The following FOXN3 variants were observed in gnomAD, a reference collection of about 807,000 sequenced individuals.
FOXN3 encodes forkhead box N3.
In FOXN3, 7 loss-of-function variants were observed where a neutral mutation model predicts 38.4. The ratio of observed to expected loss-of-function variants is 0.18; its 90% CI spans 0.10 to 0.34. FOXN3 has a LOEUF of 0.34. Among genes scored for constraint, FOXN3 ranks in the 10% least tolerant of loss-of-function variants. The pLI is 1.00. For missense variants in FOXN3, 456 were observed against 613.4 expected, an observed-to-expected ratio of 0.74 and a Z score of 2.71; for synonymous variants, 230 against 242.2, an observed-to-expected ratio of 0.95 and a Z score of 0.47.
At chr14:89,317,806 C>T (rs550313467) in intron 3 of FOXN3, among the ~76,000 whole-genome samples, 2 of 151,710 alleles carry the variant, frequency 1.3e-5, no homozygotes, top group Non-Finnish European at 2.9e-5. Flanking sequence ...GGCAGGCGAG[C>T]AGGCATTACT....
At chr14:89,292,902 C>G (rs1886920317) in intron 3 of FOXN3, among the ~76,000 whole-genome samples, 1 of 152,204 alleles carries the variant, frequency 6.6e-6, no homozygotes, top group South Asian at 2.1e-4. Context: ...ACACAAACTT[C>G]CTGTTACTTT....
intron 4 of FOXN3, among the ~76,000 whole-genome samples, chr14:89,234,251 C>T (rs1035298776): frequency 6.6e-6 from 1 of 152,204 alleles, no homozygotes; most frequent in Non-Finnish European, 1.5e-5. Context: ...AACAACAGAA[C>T]TTTAATGACC....
At chr14:89,583,026 G>A (rs1416334435) in intron 1 of FOXN3, among the ~76,000 whole-genome samples, 1 of 152,134 alleles carries the variant, frequency 6.6e-6, no homozygotes, top group African/African-American at 2.4e-5. Context: ...GCCTGTTGAT[G>A]GCATTTCCAG....
upstream of FOXN3, chr14:89,419,180 AG>A (rs1423231794): frequency 2.2e-6 from 1 of 456,086 alleles, no homozygotes; most frequent in South Asian, 1.5e-5. Context: ...AGATGTGAGA[AG>A]GTGTCACCCT....
intron 3 of FOXN3, among the ~76,000 whole-genome samples, chr14:89,331,344 T>C (rs768341944): frequency 1.3e-5 from 2 of 152,240 alleles, no homozygotes; most frequent in Non-Finnish European, 2.9e-5. Flanking sequence ...CTCTGCATAA[T>C]GTTCAAAGTT....
intron 1 of FOXN3, among the ~76,000 whole-genome samples, chr14:89,618,680 T>TAATTA: frequency 6.6e-6 from 1 of 152,176 alleles, no homozygotes; most frequent in South Asian, 2.1e-4. Flanking sequence ...TTAACAGAAT[T>TAATTA]GCATCAATTA....
intron 4 of FOXN3, among the ~76,000 whole-genome samples, chr14:89,194,818 T>C (rs1162599968): frequency 6.6e-6 from 1 of 151,958 alleles, no homozygotes; most frequent in African/African-American, 2.4e-5. Flanking sequence ...CCAAAAATTA[T>C]GTATGTGAAA....
chr14:89,392,249 C>G (rs2140078428), intron 2 of FOXN3, among the ~76,000 whole-genome samples: 1 of 152,324 alleles, frequency 6.6e-6, no homozygotes, highest in South Asian at 2.1e-4. Context: ...ATCGTTCCCT[C>G]CTCTGTAAAA....
chr14:89,618,248 C>A (rs999503544), intron 1 of FOXN3, among the ~76,000 whole-genome samples: 1 of 152,126 alleles, frequency 6.6e-6, no homozygotes, highest in Non-Finnish European at 1.5e-5. Context: ...CCAATTGAAA[C>A]TAATAAATTA....
upstream of FOXN3, chr14:89,419,058 G>C: frequency 1.8e-5 from 8 of 448,856 alleles, no homozygotes; most frequent in South Asian, 1.3e-4. Context: ...AAAAAGAGGG[G>C]ATGTGAGCCA....
intron 4 of FOXN3, among the ~76,000 whole-genome samples, chr14:89,212,548 G>A (rs922934298): frequency 2.6e-5 from 4 of 152,144 alleles, no homozygotes; most frequent in Non-Finnish European, 5.9e-5. Context: ...GTGGGCTCTG[G>A]GTCACAGCCA....
chr14:89,182,130 A>G (rs1887690293), intron 4 of FOXN3, among the ~76,000 whole-genome samples: 2 of 152,270 alleles, frequency 1.3e-5, no homozygotes, highest in African/African-American at 4.8e-5. Flanking sequence ...TCTGGACATT[A>G]GGTGTGTAAG....
intron 1 of FOXN3, among the ~76,000 whole-genome samples, chr14:89,527,622 T>G (rs1017278553): frequency 6.6e-6 from 1 of 152,130 alleles, no homozygotes; most frequent in Non-Finnish European, 1.5e-5. Flanking sequence ...CATGAAAAGT[T>G]GCTCAACCAC....
intron 4 of FOXN3, among the ~76,000 whole-genome samples, chr14:89,203,349 G>A (rs1205524191): frequency 6.6e-6 from 1 of 152,214 alleles, no homozygotes; most frequent in African/African-American, 2.4e-5. Flanking sequence ...CTTTGCTACA[G>A]TGGACTTCCA....
intron 1 of FOXN3, among the ~76,000 whole-genome samples, chr14:89,429,866 TA>T (rs1892119629): frequency 6.6e-6 from 1 of 152,228 alleles, no homozygotes; most frequent in Non-Finnish European, 1.5e-5. Flanking sequence ...AAGTAAACTT[TA>T]AACACAGACA....
At chr14:89,371,194 G>A (rs144664873) in intron 2 of FOXN3, among the ~76,000 whole-genome samples, 1 of 152,298 alleles carries the variant, frequency 6.6e-6, no homozygotes, top group African/African-American at 2.4e-5. Context: ...TCACTGATCA[G>A]AAAGGCCAGC....
At chr14:89,563,905 A>G (rs909852958) in intron 1 of FOXN3, among the ~76,000 whole-genome samples, 7 of 152,192 alleles carry the variant, frequency 4.6e-5, no homozygotes, top group African/African-American at 1.4e-4. Context: ...GCTGGAGCAC[A>G]GTGGCTCAAT....
intron 5 of FOXN3, among the ~76,000 whole-genome samples, chr14:89,168,326 A>G (rs1459305436): frequency 6.6e-6 from 1 of 152,194 alleles, no homozygotes; most frequent in Non-Finnish European, 1.5e-5. Flanking sequence ...GATAAAACAT[A>G]TAATCCTGGA....
chr14:89,321,349 G>A (rs992366001), intron 3 of FOXN3, among the ~76,000 whole-genome samples: 2 of 151,984 alleles, frequency 1.3e-5, no homozygotes, highest in Non-Finnish European at 2.9e-5. Context: ...AGGCTGAGAC[G>A]GGTGGATCAC....
Sources: allele counts gnomAD v4.1 joint callset (sites outside exome capture counted in the v4.1 genomes callset), GRCh38; gene constraint gnomAD v4.1.1; transcripts MANE v1.5; gene names NCBI Gene and HGNC (gene_info 2026-07-23, HGNC 2026-07-21).